The following NR6A1 variants were observed in gnomAD, a reference collection of about 807,000 sequenced individuals.
NR6A1 encodes nuclear receptor subfamily 6 group A member 1.
NR6A1 carries 7 observed loss-of-function variants against 59.1 expected under a neutral mutation model. That is an observed-to-expected ratio of 0.12 (90% CI 0.07 to 0.22). NR6A1 has a LOEUF of 0.22. NR6A1 is among the 10% of genes least tolerant of loss of function. The pLI is 1.00. For synonymous variants in NR6A1, 243 were observed against 236.1 expected, an observed-to-expected ratio of 1.03 and a Z score of -0.27; for missense variants, 468 against 611.6, an observed-to-expected ratio of 0.77 and a Z score of 2.48.
intron 2 of NR6A1, among the ~76,000 whole-genome samples, chr9:124,579,871 A>G (rs940719269): frequency 6.6e-6 from 1 of 151,994 alleles, no homozygotes; most frequent in Non-Finnish European, 1.5e-5. Flanking sequence ...TTAGCTGGGC[A>G]TGGTGGCGCG....
At chr9:124,676,440 T>TA (rs995704673) in intron 2 of NR6A1, among the ~76,000 whole-genome samples, 155 of 147,234 alleles carry the variant, frequency 1.1e-3, no homozygotes, top group South Asian at 8.6e-3. Context: ...GCCTTTTATT[T>TA]AAAAAAAAAA....
intron 1 of NR6A1, among the ~76,000 whole-genome samples, chr9:124,769,783 TGCCGGCCG>T (rs1371578839): frequency 6.6e-6 from 1 of 152,192 alleles, no homozygotes; most frequent in Non-Finnish European, 1.5e-5. Flanking sequence ...CCGGAGCGTT[TGCCGGCCG>T]GTGCGAGCAC....
chr9:124,764,224 T>C (rs1840865196), intron 1 of NR6A1, among the ~76,000 whole-genome samples: 1 of 152,074 alleles, frequency 6.6e-6, no homozygotes, highest in Non-Finnish European at 1.5e-5. Flanking sequence ...CTGGTTAAGC[T>C]ATTCCCTTCA....
Position 124,520,553 on chromosome 9 carries a change from T to G in NR6A1, c.*2152A>C, listed in dbSNP as rs1331459586. 6.6e-6 allele frequency: 1 copy of G among 152,188 alleles called. No individual in the cohort carries two copies. The highest frequency in any genetic ancestry group is 1.5e-5 in the Non-Finnish European group (1 of 68,044). 9.4% of individuals were successfully genotyped at this position (152,188 alleles called of 1,614,324 possible). A position where few individuals can be genotyped will look rare whatever the true frequency, so the allele number is the denominator to read the frequency against. On this transcript the variant is annotated 3_prime_UTR_variant, in exon 10 of 10. Coordinates refer to ENST00000487099, the MANE Select transcript of NR6A1 (RefSeq NM_033334.4). Reference sequence around the variant, plus strand: ...TTGACACCCAACACAACGGGTAAAATGTTTAATTTGAAAAGCAATTTCAAA... The same window carrying G: ...TTGACACCCAACACAACGGGTAAAAGGTTTAATTTGAAAAGCAATTTCAAA...
At chr9:124,611,622 G>T (rs1273384928) in intron 2 of NR6A1, among the ~76,000 whole-genome samples, 2 of 152,024 alleles carry the variant, frequency 1.3e-5, no homozygotes, top group Non-Finnish European at 2.9e-5. Context: ...GGTGGCACAT[G>T]CCTGTAATCC....
chr9:124,526,510 C>T (rs1309247941), intron 8 of NR6A1, among the ~76,000 whole-genome samples: 2 of 152,018 alleles, frequency 1.3e-5, no homozygotes, highest in African/African-American at 2.4e-5. Flanking sequence ...CTAAACAAAG[C>T]GAATCCTCTT....
chr9:124,553,351 A>G (rs547553406), intron 3 of NR6A1, among the ~76,000 whole-genome samples: 1 of 152,268 alleles, frequency 6.6e-6, no homozygotes, highest in African/African-American at 2.4e-5. Context: ...CTGTGCCAAC[A>G]GCTCCATGAA....
At chr9:124,588,746 C>T (rs1209448202) in intron 2 of NR6A1, among the ~76,000 whole-genome samples, 1 of 148,914 alleles carries the variant, frequency 6.7e-6, no homozygotes, top group Non-Finnish European at 1.5e-5. Flanking sequence ...CGTGAAACCC[C>T]GTCTCTACTA....
intron 2 of NR6A1, among the ~76,000 whole-genome samples, chr9:124,723,760 A>G (rs1341833802): frequency 6.6e-6 from 1 of 152,204 alleles, no homozygotes; most frequent in African/African-American, 2.4e-5. Context: ...CCTCACAGCA[A>G]CCCAATAAAA....
chr9:124,571,882 C>G (rs1834446574), intron 2 of NR6A1, among the ~76,000 whole-genome samples: 1 of 151,622 alleles, frequency 6.6e-6, no homozygotes, highest in Non-Finnish European at 1.5e-5. Flanking sequence ...CCATTCAGGG[C>G]TTGAGCTAGT....
chr9:124,732,797 A>G (rs551510569), intron 2 of NR6A1, among the ~76,000 whole-genome samples: 1 of 152,000 alleles, frequency 6.6e-6, no homozygotes, highest in South Asian at 2.1e-4. Flanking sequence ...CCCGGGTTCA[A>G]GCGATTCTTC....
At chr9:124,599,350 C>A in intron 2 of NR6A1, 2 of 352,330 alleles carry the variant, frequency 5.7e-6, no homozygotes, top group South Asian at 4.6e-5. Context: ...ACCCGGGAGG[C>A]GGAGGTTGCA....
intron 2 of NR6A1, among the ~76,000 whole-genome samples, chr9:124,717,503 A>G (rs1179726238): frequency 6.6e-6 from 1 of 152,244 alleles, no homozygotes; most frequent in African/African-American, 2.4e-5. Context: ...GACATTTTAG[A>G]AAACAGGCAA....
At chr9:124,723,765 A>G (rs2131102499) in intron 2 of NR6A1, among the ~76,000 whole-genome samples, 1 of 152,354 alleles carries the variant, frequency 6.6e-6, no homozygotes, top group African/African-American at 2.4e-5. Flanking sequence ...CAGCAACCCA[A>G]TAAAATAAAA....
At chr9:124,717,599 CT>C (rs1588824160) in intron 2 of NR6A1, among the ~76,000 whole-genome samples, 1 of 152,148 alleles carries the variant, frequency 6.6e-6, no homozygotes, top group Admixed American at 6.6e-5. Context: ...AGGGAATTTT[CT>C]GAAGGGATGG....
At chr9:124,698,672 T>A (rs1338298688) in intron 2 of NR6A1, 1 of 152,218 alleles carries the variant, frequency 6.6e-6, no homozygotes, top group Non-Finnish European at 1.5e-5. Flanking sequence ...TTTCTTGTAA[T>A]TTCTAGCACA....
At chr9:124,635,862 A>T (rs541882587) in intron 2 of NR6A1, among the ~76,000 whole-genome samples, 1 of 152,310 alleles carries the variant, frequency 6.6e-6, no homozygotes, top group East Asian at 1.9e-4. Flanking sequence ...ATTAGTTTTC[A>T]ATTAACTTGG....
intron 2 of NR6A1, among the ~76,000 whole-genome samples, chr9:124,639,017 G>C: frequency 6.6e-6 from 1 of 152,216 alleles, no homozygotes; most frequent in Non-Finnish European, 1.5e-5. Context: ...GAAAGTGCTA[G>C]AAGAGTAGCC....
chr9:124,584,455 G>T (rs868727070), intron 2 of NR6A1, among the ~76,000 whole-genome samples: 1 of 152,016 alleles, frequency 6.6e-6, no homozygotes, highest in African/African-American at 2.4e-5. Context: ...CTGCATCAAG[G>T]AAGTCTCATC....
Sources: allele counts gnomAD v4.1 joint callset (sites outside exome capture counted in the v4.1 genomes callset), GRCh38; gene constraint gnomAD v4.1.1; transcripts MANE v1.5; gene names NCBI Gene and HGNC (gene_info 2026-07-23, HGNC 2026-07-21).